The following SEZ6L2 variants were observed in gnomAD, a reference collection of about 807,000 sequenced individuals.
The protein encoded by SEZ6L2 is seizure 6-like protein 2.
In SEZ6L2, 44 loss-of-function variants were observed where a neutral mutation model predicts 97.0. The observed-to-expected ratio is 0.45, with a 90% CI of 0.36 to 0.58. The LOEUF (loss-of-function observed/expected upper bound fraction) is 0.58, where lower values mean the gene tolerates loss of function less well. Among genes scored for constraint, SEZ6L2 ranks in the 20% least tolerant of loss-of-function variants. SEZ6L2 has a pLI of 0.00. For missense variants in SEZ6L2, 1,086 were observed against 1,233.3 expected (o/e 0.88, Z 1.79); for synonymous variants, 543 against 546.1 (o/e 0.99, Z 0.08).
rs2150777884 is a variant in SEZ6L2, at chr16:29,873,507, G to GCCAC, written c.2296+27_2296+30dup. On this transcript the variant is annotated intron_variant, in intron 13 of 17. Transcript: ENST00000617533. This position sits in a 1 kb window ranked among gnomAD's most constrained non-coding sequence, Gnocchi z 4.3. ...AGACGGGCTCTCCCAGGGCTACCCA[G>GCCAC]CCACCCTCCCAGGGTGTGCCCCAGA... 6.2e-7 allele frequency: 1 copy of GCCAC among 1,613,928 alleles called. No homozygotes were observed. The highest frequency in any genetic ancestry group is 2.2e-5 in the East Asian group (1 of 44,862).
At chr16:29,874,562 T>TGG (rs1567410740) in intron 12 of SEZ6L2, among the ~76,000 whole-genome samples, 38 of 85,866 alleles carry the variant, frequency 4.4e-4, no homozygotes, top group African/African-American at 2.0e-3. Context: ...TTTTTTTTTT[T>TGG]TTTTTTTTTT....
At chr16:29,891,452 C>A (rs1255883422) in intron 5 of SEZ6L2, among the ~76,000 whole-genome samples, 1 of 151,758 alleles carries the variant, frequency 6.6e-6, no homozygotes, top group African/African-American at 2.4e-5. Context: ...CCAGCCTGGC[C>A]AATATGGTGA....
Position 29,873,835 on chromosome 16 carries a change from G to A in SEZ6L2, c.2105-106C>T. The A allele has an allele frequency of 4.0e-6, 4 of 1,007,224 alleles. No individual in the cohort carries two copies. In the South Asian group the frequency reaches 5.1e-5, roughly 13 times the overall value. 62.4% of individuals were successfully genotyped at this position (1,007,224 alleles called of 1,614,324 possible). A position where few individuals can be genotyped will look rare whatever the true frequency, so the allele number is the denominator to read the frequency against. On this transcript the variant is annotated intron_variant, in intron 12 of 17. Coordinates refer to ENST00000617533, the MANE Select transcript of SEZ6L2 (RefSeq NM_001243332.2). This position sits in a 1 kb window ranked among gnomAD's most constrained non-coding sequence, Gnocchi z 4.3. ...CAAAAAATTGAAAAATTAGCCAGGA[G>A]TGGTGGCGCACTCCTGTGGTTCCAG...
chr16:29,871,769 G>C, intron 17 of SEZ6L2, 41 bp from the exon 18 acceptor site: 1 of 1,592,822 alleles, frequency 6.3e-7, no homozygotes, highest in Non-Finnish European at 8.6e-7. Flanking sequence ...GAGTCTGATA[G>C]GGGTGGAAGA....
chr16:29,889,876 C>G (rs1259595218), intron 5 of SEZ6L2, among the ~76,000 whole-genome samples: 1 of 151,462 alleles, frequency 6.6e-6, no homozygotes, highest in Non-Finnish European at 1.5e-5. Context: ...AAACATGAAA[C>G]TTGTTGAGGA....
At chr16:29,875,080 G>A (rs1038276234) in intron 12 of SEZ6L2, among the ~76,000 whole-genome samples, 1 of 152,070 alleles carries the variant, frequency 6.6e-6, no homozygotes, top group Non-Finnish European at 1.5e-5. Context: ...TCACTATGTT[G>A]CCCAGGCTGT....
intron 5 of SEZ6L2, among the ~76,000 whole-genome samples, chr16:29,889,862 A>C (rs2068233716): frequency 6.6e-6 from 1 of 150,856 alleles, no homozygotes; most frequent in African/African-American, 2.4e-5. Context: ...TCCTGGCCTC[A>C]AGCAAACATG....
Position 29,896,989 on chromosome 16 carries a change from G to GC in SEZ6L2, c.343dup (p.Ala115GlyfsTer33). The GC allele has an allele frequency of 6.3e-7, 1 of 1,589,652 alleles. No homozygotes were observed. Among genetic ancestry groups the GC allele is most frequent in the Non-Finnish European group, 8.5e-7 (1 of 1,170,716 alleles). On this transcript the variant is annotated frameshift_variant, in exon 3 of 18. Coordinates refer to ENST00000617533, the MANE Select transcript of SEZ6L2 (RefSeq NM_001243332.2). LOFTEE classifies it high-confidence loss of function. The stretch of plus-strand genomic sequence containing the variant: ...CAGCAGTTCTGGCGCAGTGGGGCCT[G>GC]CCCCCCTGACCCCGTTAGGGGTGAC...
intron 5 of SEZ6L2, among the ~76,000 whole-genome samples, chr16:29,894,317 A>G (rs1017637327): frequency 3.3e-5 from 5 of 152,210 alleles, no homozygotes; most frequent in African/African-American, 1.2e-4. Context: ...GGACAATTCT[A>G]TCTTCCATGC....
rs567099001 is a variant in SEZ6L2, at chr16:29,891,732, AGACCT to A, written c.854-3012_854-3008del. On this transcript the variant is annotated intron_variant, in intron 5 of 17. Coordinates refer to ENST00000617533, the MANE Select transcript of SEZ6L2 (RefSeq NM_001243332.2). ...AAGACCACTGGATTTGTCATCAGGC[AGACCT>A]GAGTTCCAGTTCTAGCTCCAGAACT... 8.5e-5 allele frequency among the ~76,000 whole-genome samples: 13 copies of A among 152,310 alleles called. No homozygotes were observed. In the East Asian group the frequency reaches 2.1e-3, roughly 25 times the overall value.
chr16:29,877,195 C>G, intron 11 of SEZ6L2, 76 bp downstream of exon 11: 1 of 1,424,170 alleles, frequency 7.0e-7, no homozygotes, highest in East Asian at 2.5e-5. Context: ...CAGGCGTGAG[C>G]CACCACGACC....
At chr16:29,872,596 G>C in intron 15 of SEZ6L2, 70 bp from the exon 16 acceptor site, 1 of 1,598,810 alleles carries the variant, frequency 6.3e-7, no homozygotes, top group Non-Finnish European at 8.6e-7. Flanking sequence ...CTCCTGCCCT[G>C]GGCCTCAAAC....
In SEZ6L2 at chr16:29,879,897, G is replaced by A. The variant is rs779402230; in HGVS notation, c.1540C>T (p.Pro514Ser). 7.4e-6 allele frequency: 12 copies of A among 1,612,904 alleles called. No individual in the cohort carries two copies. The East Asian group carries it at 1.3e-4, about 18-fold the overall frequency. The part of the protein sequence containing the change: ...NAIECVDPTE[P>S]HWNDTEPACK... ...GCCGGCTCTGTGTCGTTCCAGTGGG[G>A]TTCTGTGGGATCCACACATTCGATG... The change falls in exon 9 of 18, where the codon CCC becomes TCC. Residue 514 changes from proline to serine, a missense_variant. By Grantham distance (74) the Pro-to-Ser change is moderately conservative (BLOSUM62 -1). Transcript: ENST00000617533.
intron 1 of SEZ6L2, among the ~76,000 whole-genome samples, chr16:29,898,666 C>G (rs894034577): frequency 6.6e-6 from 1 of 152,174 alleles, no homozygotes; most frequent in Admixed American, 6.6e-5. Flanking sequence ...CTGCCGCCTC[C>G]GCAGACATCC....
In SEZ6L2 at chr16:29,873,845, A is replaced by C; in HGVS notation, c.2105-116T>G. 1 of 903,226 alleles carries C rather than the reference A, an allele frequency of 1.1e-6. No homozygotes were observed. Among genetic ancestry groups the C allele is most frequent in the East Asian group, 2.7e-5 (1 of 37,032 alleles). 56.0% of individuals were successfully genotyped at this position (903,226 alleles called of 1,614,324 possible). A position where few individuals can be genotyped will look rare whatever the true frequency, so the allele number is the denominator to read the frequency against. ...AAAAATTAGCCAGGAGTGGTGGCGCACTCCTGTGGTTCCAGCTACTCAGGA... is the reference window on the plus strand; with the variant it reads ...AAAAATTAGCCAGGAGTGGTGGCGCCCTCCTGTGGTTCCAGCTACTCAGGA... On this transcript the variant is annotated intron_variant, in intron 12 of 17. Coordinates refer to ENST00000617533, the MANE Select transcript of SEZ6L2 (RefSeq NM_001243332.2). The surrounding 1 kb of genome is among the most constrained non-coding windows in gnomAD (Gnocchi z 4.3).
Position 29,871,674 on chromosome 16 carries a change from G to C in SEZ6L2, c.*25C>G. 1 of 1,604,892 alleles carries C rather than the reference G, an allele frequency of 6.2e-7. No individual in the cohort carries two copies. ...GAATGAGGAGGGGAGGGGCGTCCTG[G>C]GTCCTGCAGCTGTAGTCTTGGGGTT... On this transcript the variant is annotated 3_prime_UTR_variant, in exon 18 of 18. Transcript: ENST00000617533.
At position 29,896,856 on chromosome 16, in the gene SEZ6L2, G is replaced by GGTGATGATGGTGGTCGTC; in HGVS notation, c.459_476dup (p.Ile157_Thr162dup). On this transcript the variant is annotated inframe_insertion, in exon 3 of 18. Coordinates refer to ENST00000617533, the MANE Select transcript of SEZ6L2 (RefSeq NM_001243332.2). ...TCACCGTAGTGGTAACAGTTGTCGT[G>GGTGATGATGGTGGTCGTC]GTGATGATGGTGGTCGTCGTCTCCT... 3.1e-6 allele frequency: 5 copies of GGTGATGATGGTGGTCGTC among 1,614,092 alleles called. No individual in the cohort carries two copies. The highest frequency in any genetic ancestry group is 4.2e-6 in the Non-Finnish European group (5 of 1,179,992).
At chr16:29,877,216 C>T in intron 11 of SEZ6L2, 55 bp downstream of exon 11, 1 of 1,478,216 alleles carries the variant, frequency 6.8e-7, no homozygotes, top group Non-Finnish European at 9.0e-7. Context: ...GGCCACCTCC[C>T]GGGATCTCTG....
At chr16:29,881,697 G>C (rs1366841149) in intron 8 of SEZ6L2, among the ~76,000 whole-genome samples, 5 of 124,358 alleles carry the variant, frequency 4.0e-5, no homozygotes, top group Admixed American at 9.6e-5. Context: ...GTGTGATCTC[G>C]GCTCACTGCA....
Sources: gnomAD v4.1 joint callset for allele counts (sites outside exome capture counted in the v4.1 genomes callset) on GRCh38, gnomAD v4.1.1 for gene constraint, Gnocchi (gnomAD v3.1) non-coding constraint, MANE v1.5 for transcripts, NCBI Gene and HGNC (gene_info 2026-07-23, HGNC 2026-07-21) for gene names.